Variants in STK33 observed in about 807,000 individuals in gnomAD.
STK33 encodes serine/threonine kinase 33, also known as serine/threonine-protein kinase 33.
STK33 carries 52 observed loss-of-function variants against 58.0 expected under a neutral mutation model. The observed-to-expected ratio is 0.90, with a 90% CI of 0.72 to 1.13. The LOEUF (loss-of-function observed/expected upper bound fraction) is 1.13, where lower values mean the gene tolerates loss of function less well. Ranked by LOEUF, STK33 falls within the 50% of genes most tolerant of loss-of-function variation. The pLI, the probability that STK33 is intolerant of heterozygous loss-of-function variation, is 0.00. For synonymous variants in STK33, 215 were observed against 200.1 expected (o/e 1.07, Z -0.63); for missense variants, 630 against 604.2 (o/e 1.04, Z -0.45).
At chr11:8,553,301 CTTA>C (rs1281075184) in intron 1 of STK33, among the ~76,000 whole-genome samples, 4 of 141,420 alleles carry the variant, frequency 2.8e-5, no homozygotes, top group African/African-American at 7.8e-5. Flanking sequence ...AACATAATTG[CTTA>C]TTATTATCTA....
At chr11:8,405,161 A>G (rs1243372080) in intron 15 of STK33, among the ~76,000 whole-genome samples, 1 of 152,188 alleles carries the variant, frequency 6.6e-6, no homozygotes, top group African/African-American at 2.4e-5. Context: ...TAAATGCCAA[A>G]CTATATTCTG....
chr11:8,529,727 A>C (rs887494275), intron 1 of STK33, among the ~76,000 whole-genome samples: 1 of 152,316 alleles, frequency 6.6e-6, no homozygotes, highest in African/African-American at 2.4e-5. Context: ...GATGAAAAAA[A>C]GGGACCATAA....
chr11:8,447,819 T>C (rs1362552596), intron 11 of STK33, among the ~76,000 whole-genome samples: 1 of 152,188 alleles, frequency 6.6e-6, no homozygotes, highest in Non-Finnish European at 1.5e-5. Flanking sequence ...ATAAAGGGTA[T>C]TCAATTAGGA....
chr11:8,438,442 G>A (rs1244187200), intron 12 of STK33, among the ~76,000 whole-genome samples: 4 of 152,064 alleles, frequency 2.6e-5, no homozygotes, highest in East Asian at 1.9e-4. Context: ...CAAAGGTAAC[G>A]GATAAACAAG....
chr11:8,576,530 C>T (rs973057195), intron 1 of STK33, among the ~76,000 whole-genome samples: 1 of 152,160 alleles, frequency 6.6e-6, no homozygotes, highest in African/African-American at 2.4e-5. Flanking sequence ...AATTTCATCA[C>T]TTCAAATGCT....
In STK33 at chr11:8,436,060, C is replaced by G. The variant is rs1230357805; in HGVS notation, c.1027G>C (p.Glu343Gln). Residue 343 changes from glutamate to glutamine, a missense_variant, in exon 13 of 16, where the codon GAA becomes CAA. Coordinates refer to ENST00000687296, the MANE Select transcript of STK33 (RefSeq NM_001352389.2). Reference protein sequence around the residue: ...ELIRKGELHFENAVWNSISDC... With the variant: ...ELIRKGELHFQNAVWNSISDC... ...CTTATGGAATTCCAGACTGCATTTT[C>G]AAAATGTAGTTCTCCTTTTCTTATT... 6.3e-7 allele frequency: 1 copy of G among 1,589,930 alleles called. No homozygotes were observed. The highest frequency in any genetic ancestry group is 1.7e-5 in the Admixed American group (1 of 58,220).
intron 1 of STK33, among the ~76,000 whole-genome samples, chr11:8,558,804 T>C (rs1042115770): frequency 2.0e-5 from 3 of 152,254 alleles, no homozygotes; most frequent in Admixed American, 6.5e-5. Context: ...AATTCACTTA[T>C]GCTCAAATCG....
intron 1 of STK33, among the ~76,000 whole-genome samples, chr11:8,497,430 A>G (rs1356652269): frequency 6.6e-6 from 1 of 152,214 alleles, no homozygotes; most frequent in Non-Finnish European, 1.5e-5. Context: ...AACAGAAACC[A>G]TGGAGGCCAG....
chr11:8,574,085 G>A (rs1458955485), intron 1 of STK33, among the ~76,000 whole-genome samples: 1 of 152,140 alleles, frequency 6.6e-6, no homozygotes, highest in East Asian at 1.9e-4. Flanking sequence ...CAGTCCCTCA[G>A]TGGCCCCTCT....
intron 14 of STK33, among the ~76,000 whole-genome samples, chr11:8,428,806 AT>A (rs1320094225): frequency 6.6e-6 from 1 of 152,182 alleles, no homozygotes; most frequent in Non-Finnish European, 1.5e-5. Flanking sequence ...AGCATTTCCA[AT>A]ATGATACTGT....
At chr11:8,363,918 G>A in the STK33 span, among the ~76,000 whole-genome samples, 1 of 152,196 alleles carries the variant, frequency 6.6e-6, no homozygotes, top group Admixed American at 6.5e-5. Flanking sequence ...AGCTTATGAA[G>A]AGCAGATTGA....
intron 1 of STK33, among the ~76,000 whole-genome samples, chr11:8,500,592 T>C (rs1011468780): frequency 5.3e-5 from 8 of 152,212 alleles, no homozygotes; most frequent in African/African-American, 1.7e-4. Flanking sequence ...TCTTCATGTA[T>C]TGGAAGAATC....
chr11:8,449,750 G>A (rs947747230), intron 11 of STK33, among the ~76,000 whole-genome samples: 9 of 152,040 alleles, frequency 5.9e-5, no homozygotes, highest in Admixed American at 5.9e-4. Flanking sequence ...TGCACGTTGT[G>A]CACATGTACC....
intron 1 of STK33, among the ~76,000 whole-genome samples, chr11:8,519,127 T>G (rs1480493857): frequency 1.2e-4 from 19 of 152,084 alleles, no homozygotes. Flanking sequence ...AGAACAGAAA[T>G]TATAACAAAC....
At chr11:8,420,974 C>A (rs1262149974) in intron 14 of STK33, among the ~76,000 whole-genome samples, 1 of 150,412 alleles carries the variant, frequency 6.6e-6, no homozygotes. Context: ...CAGAGCAAGG[C>A]CCTGTCTGAA....
the STK33 span, among the ~76,000 whole-genome samples, chr11:8,354,513 C>CACACACACCCCTCAG: frequency 6.9e-6 from 1 of 144,018 alleles, no homozygotes; most frequent in Non-Finnish European, 1.6e-5. Flanking sequence ...CACACACACA[C>CACACACACCCCTCAG]ACACCCCTCA....
At chr11:8,397,073 G>T (rs923353539) in intron 15 of STK33, among the ~76,000 whole-genome samples, 2 of 152,206 alleles carry the variant, frequency 1.3e-5, no homozygotes, top group Non-Finnish European at 2.9e-5. Flanking sequence ...AGAATCCTCT[G>T]CAGACTTAAA....
chr11:8,461,538 G>A (rs1947522248), intron 8 of STK33, among the ~76,000 whole-genome samples: 1 of 152,152 alleles, frequency 6.6e-6, no homozygotes, highest in Non-Finnish European at 1.5e-5. Flanking sequence ...ATCACCATTT[G>A]GTTGTGTATG....
At chr11:8,462,538 G>C (rs1380641765) in intron 7 of STK33, among the ~76,000 whole-genome samples, 2 of 151,298 alleles carry the variant, frequency 1.3e-5, no homozygotes, top group African/African-American at 2.4e-5. Flanking sequence ...GCTCTGCACT[G>C]TTACTTCCTG....
Sources: allele counts gnomAD v4.1 joint callset (sites outside exome capture counted in the v4.1 genomes callset), GRCh38; gene constraint gnomAD v4.1.1; transcripts MANE v1.5; gene names NCBI Gene and HGNC (gene_info 2026-07-23, HGNC 2026-07-21).